MYLK2: variants seen among roughly 807,000 people sequenced by gnomAD.
MYLK2 encodes the protein myosin light chain kinase 2.
A neutral mutation model predicts 58.2 loss-of-function variants in MYLK2; 27 were observed. That is an observed-to-expected ratio of 0.46 (90% CI 0.34 to 0.64). The LOEUF (loss-of-function observed/expected upper bound fraction) is 0.64. Among genes scored for constraint, MYLK2 ranks in the 30% least tolerant of loss-of-function variants. MYLK2 has a pLI of 0.01. For missense variants in MYLK2, 676 were observed against 764.3 expected (o/e 0.88, Z 1.36); for synonymous variants, 310 against 296.7 (o/e 1.04, Z -0.46).
In MYLK2 at chr20:31,820,146, A is replaced by G; in HGVS notation, c.73A>G (p.Thr25Ala). The change falls in exon 3 of 13, where the codon ACA becomes GCA. Residue 25 changes from threonine to alanine, a missense_variant. Coordinates refer to ENST00000375985, the MANE Select transcript of MYLK2 (RefSeq NM_033118.4). ...PSTDKAPKGP[T>A]GERPLAAGKD... is the part of the protein sequence containing the mutation. ...TGCAGACAAGGCACCTAAAGGTCCCACAGGTGAAAGACCCCTGGCTGCAGG... is the reference window on the plus strand; with the variant it reads ...TGCAGACAAGGCACCTAAAGGTCCCGCAGGTGAAAGACCCCTGGCTGCAGG... 1 of 1,613,868 alleles carries G rather than the reference A, an allele frequency of 6.2e-7. No homozygotes were observed. Among genetic ancestry groups the G allele is most frequent in the African/African-American group, 1.3e-5 (1 of 75,048 alleles).
rs151030071 is a variant in MYLK2, at chr20:31,830,046, T to A, written c.1225-773T>A. Among the ~76,000 whole-genome samples the A allele has an allele frequency of 5.4e-3, 816 of 152,268 alleles. 5 individuals carry two copies. The highest frequency in any genetic ancestry group is 0.019 in the African/African-American group (777 of 41,542). ...CAGGATCAGTGGTGGTAGCGGAACA[T>A]CACAAGGCCAGTGCTGGAGTCAGTC... On this transcript the variant is annotated intron_variant, in intron 8 of 12. Transcript: ENST00000375985.
At chr20:31,821,969 G>C (rs1167415417) in intron 4 of MYLK2, among the ~76,000 whole-genome samples, 1 of 152,170 alleles carries the variant, frequency 6.6e-6, no homozygotes, top group Admixed American at 6.5e-5. Context: ...GCCCAGGCTG[G>C]CTTCAAACTC....
At chr20:31,827,844 A>T (rs1292877828) in intron 8 of MYLK2, among the ~76,000 whole-genome samples, 1 of 143,398 alleles carries the variant, frequency 7.0e-6, no homozygotes. Context: ...GACCTTGCTC[A>T]CTACCATGCA....
At chr20:31,823,920 C>T in intron 5 of MYLK2, 2 of 984,992 alleles carry the variant, frequency 2.0e-6, no homozygotes, top group Non-Finnish European at 2.4e-6. Flanking sequence ...TATACCTCTG[C>T]AGATCCTCCC....
intron 6 of MYLK2, among the ~76,000 whole-genome samples, chr20:31,825,448 T>G (rs1474345695): frequency 6.6e-6 from 1 of 152,096 alleles, no homozygotes; most frequent in Non-Finnish European, 1.5e-5. Flanking sequence ...GAAATGTCAG[T>G]GACCTAAAAA....
rs373406874 is a variant in MYLK2, at chr20:31,819,585, C to T, written c.5C>T (p.Ala2Val). The change falls in exon 2 of 13, where the codon GCG becomes GTG. Residue 2 changes from alanine (A) to valine (V), a missense_variant. Around this residue, in one of 2 missense-constraint regions of MYLK2, gnomAD observed 306 missense variants for 296.5 expected, o/e 1.03. Transcript: ENST00000375985. ...CAGCACACGCCTCCCTACCTCATGG[C>T]GACAGAAAATGGAGCAGTTGAGCTG... M[A>V]TENGAVELGI... 1.4e-5 allele frequency: 22 copies of T among 1,551,502 alleles called. No homozygotes were observed. The highest frequency in any genetic ancestry group is 7.3e-5 in the East Asian group (3 of 40,922).
intron 3 of MYLK2, among the ~76,000 whole-genome samples, chr20:31,820,834 A>G (rs1199189801): frequency 2.0e-5 from 3 of 152,200 alleles, no homozygotes; most frequent in Admixed American, 6.5e-5. Context: ...CCCTTACTCC[A>G]TGGGCTTGGG....
intron 12 of MYLK2, 53 bp downstream of exon 12, chr20:31,832,189 T>C: frequency 6.3e-7 from 1 of 1,582,080 alleles, no homozygotes; most frequent in South Asian, 1.2e-5. Flanking sequence ...GAAGAGCTCC[T>C]GGTGCCAGAT....
chr20:31,823,785 C>T (rs532143883), intron 5 of MYLK2: 135 of 383,700 alleles, frequency 3.5e-4, no homozygotes, highest in African/African-American at 2.6e-3. Context: ...CTTACTCAGA[C>T]GCACCGTCAG....
Position 31,831,043 on chromosome 20 carries a change from C to A in MYLK2, c.1326C>A (p.Asn442Lys). The change falls in exon 10 of 13, where the codon AAC (asparagine) becomes AAA (lysine). Residue 442 changes from asparagine (N) to lysine (K), a missense_variant. Asn to Lys is a moderately conservative substitution (Grantham distance 94). Around this residue, in one of 2 missense-constraint regions of MYLK2, gnomAD observed 370 missense variants for 467.8 expected, o/e 0.79. Transcript: ENST00000375985. ...RYNPNEKLKV[N>K]FGTPEFLSPE... ...ACCCCAACGAGAAGCTGAAGGTGAA[C>A]TTTGGGACCCCAGAGTTCCTGTCAC... 6.2e-7 allele frequency: 1 copy of A among 1,614,120 alleles called. No homozygotes were observed. The highest frequency in any genetic ancestry group is 1.1e-5 in the South Asian group (1 of 91,086).
Position 31,819,640 on chromosome 20 carries a change from G to T in MYLK2, c.52+8G>T. ...TTCAGAACCCATCAACAGGTGCCAAGCTGGGGCAGGAGATGGAGGGAGGAG... is the reference window on the plus strand; with the variant it reads ...TTCAGAACCCATCAACAGGTGCCAATCTGGGGCAGGAGATGGAGGGAGGAG... On this transcript the variant is annotated splice_region_variant and intron_variant, in intron 2 of 12. Coordinates refer to ENST00000375985, the MANE Select transcript of MYLK2 (RefSeq NM_033118.4). The T allele has an allele frequency of 6.4e-7, 1 of 1,551,562 alleles. No individual in the cohort carries two copies. Among genetic ancestry groups the T allele is most frequent in the Non-Finnish European group, 8.7e-7 (1 of 1,147,010 alleles).
chr20:31,827,064 A>G lies in MYLK2; in HGVS notation c.1224+126A>G, dbSNP rs2062284124. 4.5e-5 allele frequency: 68 copies of G among 1,523,226 alleles called. No homozygotes were observed. In the South Asian group the frequency reaches 7.4e-4, roughly 17 times the overall value. 94.4% of individuals were successfully genotyped at this position (1,523,226 alleles called of 1,614,324 possible). On this transcript the variant is annotated intron_variant, in intron 8 of 12. Transcript: ENST00000375985. ...TCTTCCTTCATCCATCCTTCCCTTC[A>G]TAGATTCAGAAAGGGTTTATGGAAT...
At chr20:31,829,666 G>C (rs2062295987) in intron 8 of MYLK2, among the ~76,000 whole-genome samples, 1 of 152,236 alleles carries the variant, frequency 6.6e-6, no homozygotes. Flanking sequence ...CAGGCTGTTA[G>C]TGGCAACTTG....
Position 31,830,802 on chromosome 20 carries a change from AC to A in MYLK2, c.1225-12del. 1 of 1,611,716 alleles carries A rather than the reference AC, an allele frequency of 6.2e-7. No homozygotes were observed. Among genetic ancestry groups the A allele is most frequent in the Non-Finnish European group, 8.5e-7 (1 of 1,179,300 alleles). Reference sequence around the variant, plus strand: ...AGCTGGTCAGAGGCCCACCCAGGCCACCCCCTTTCTCCTCAGCCAGAGAACA... The same window carrying A: ...AGCTGGTCAGAGGCCCACCCAGGCCACCCCTTTCTCCTCAGCCAGAGAACA... On this transcript the variant is annotated splice_polypyrimidine_tract_variant and intron_variant, in intron 8 of 12. Transcript: ENST00000375985.
chr20:31,827,384 GGTGGTGGA>G, intron 8 of MYLK2: 1 of 985,334 alleles, frequency 1.0e-6, no homozygotes, highest in Non-Finnish European at 1.2e-6. Context: ...CAATGCTCTA[GGTGGTGGA>G]GATCCTGTGG....
chr20:31,824,355 A>G lies in MYLK2; in HGVS notation c.972+3A>G. 1 of 1,609,712 alleles carries G rather than the reference A, an allele frequency of 6.2e-7. No homozygotes were observed. The highest frequency in any genetic ancestry group is 8.5e-7 in the Non-Finnish European group (1 of 1,177,566). On this transcript the variant is annotated splice_donor_region_variant and intron_variant, in intron 6 of 12. Transcript: ENST00000375985. ...AGAAACAGACTCCCAAAGACAAGGT[A>G]GTGAGGTTGCGGGGGTGGTGGCTGC...
rs771722813 is a variant in MYLK2, at chr20:31,831,772, C to A, written c.1494C>A (p.Asn498Lys). 2 of 1,614,170 alleles carry A rather than the reference C, an allele frequency of 1.2e-6. No homozygotes were observed. The highest frequency in any genetic ancestry group is 1.7e-6 in the Non-Finnish European group (2 of 1,180,028). Residue 498 changes from asparagine (N) to lysine (K), a missense_variant, in exon 11 of 13, where the codon AAC becomes AAA. This residue lies in a region of MYLK2 where 370 missense variants were observed against 467.8 expected (regional missense o/e 0.79). Coordinates refer to ENST00000375985, the MANE Select transcript of MYLK2 (RefSeq NM_033118.4). ...TETLNNVLSG[N>K]WYFDEETFEA... ...CCCTAAACAACGTTCTATCTGGCAA[C>A]TGGTACTTTGATGAAGAGACCTTTG...
intron 8 of MYLK2, among the ~76,000 whole-genome samples, chr20:31,830,383 T>C (rs2062299887): frequency 6.6e-6 from 1 of 152,186 alleles, no homozygotes; most frequent in Non-Finnish European, 1.5e-5. Context: ...CCCAAGAGGC[T>C]TCCTGTCAGG....
chr20:31,829,270 A>G (rs1423053615), intron 8 of MYLK2, among the ~76,000 whole-genome samples: 3 of 152,210 alleles, frequency 2.0e-5, no homozygotes, highest in South Asian at 2.1e-4. Flanking sequence ...TGTCAAAAAA[A>G]GTGTTTCACG....
Sources: allele counts gnomAD v4.1 joint callset (sites outside exome capture counted in the v4.1 genomes callset), GRCh38; gene constraint gnomAD v4.1.1; regional missense constraint gnomAD v4.1.1; transcripts MANE v1.5; gene names NCBI Gene and HGNC (gene_info 2026-07-23, HGNC 2026-07-21).